The following PLS3 variants were observed in gnomAD, a reference collection of about 807,000 sequenced individuals.
The protein encoded by PLS3 is plastin-3.
A neutral mutation model predicts 46.5 loss-of-function variants in PLS3; 11 were observed. The ratio of observed to expected loss-of-function variants is 0.24; its 90% CI spans 0.15 to 0.39. The LOEUF (loss-of-function observed/expected upper bound fraction) is 0.39. PLS3 is among the 10% of genes least tolerant of loss of function. The pLI is 1.00. For synonymous variants in PLS3, 167 were observed against 162.2 expected (o/e 1.03, Z -0.22); for missense variants, 308 against 461.8 (o/e 0.67, Z 3.05).
chrX:115,604,160 C>A (rs1251465091), intron 1 of PLS3, among the ~76,000 whole-genome samples: 2 of 111,904 alleles, frequency 1.8e-5, no homozygotes, highest in African/African-American at 6.5e-5. Context: ...TCTTAAATTA[C>A]TTTGACTAAA....
At chrX:115,646,275 T>G in intron 12 of PLS3, 89 bp downstream of exon 12, 1 of 893,581 alleles carries the variant, frequency 1.1e-6, no homozygotes, top group Non-Finnish European at 1.6e-6. Flanking sequence ...ACGCTGAGCT[T>G]CTTGAGGACA....
intron 9 of PLS3, among the ~76,000 whole-genome samples, chrX:115,641,677 G>C (rs782516119): frequency 9.0e-6 from 1 of 111,435 alleles, no homozygotes; most frequent in African/African-American, 3.3e-5. Flanking sequence ...GAAGGGAGCT[G>C]TCTGGGTTGG....
chrX:115,646,927 C>A (rs1395389863), intron 13 of PLS3, among the ~76,000 whole-genome samples: 2 of 112,181 alleles, frequency 1.8e-5, no homozygotes, highest in African/African-American at 6.5e-5. Context: ...GACTGGGCAC[C>A]AGCCAAAGCA....
At chrX:115,645,185 T>C (rs1373992847) in intron 11 of PLS3, 86 bp downstream of exon 11, 2 of 599,747 alleles carry the variant, frequency 3.3e-6, no homozygotes, top group African/African-American at 2.2e-5. Context: ...TTTCTAGATA[T>C]TAATTTGTAG....
rs191317026 is a variant in PLS3, at chrX:115,640,720, T to C, written c.987+217T>C. On this transcript the variant is annotated intron_variant, in intron 9 of 15. Coordinates refer to ENST00000355899, the MANE Select transcript of PLS3 (RefSeq NM_005032.7). ...ATCGTTGTTGTGGTATTGATTTATA[T>C]GGATGGCATAAAATATTCAAAACAA... is the stretch of plus-strand genomic sequence containing the variant. 1.8e-3 allele frequency among the ~76,000 whole-genome samples: 204 copies of C among 111,993 alleles called. 1 individual carries two copies. The highest frequency in any genetic ancestry group is 6.1e-3 in the African/African-American group (187 of 30,886).
intron 1 of PLS3, among the ~76,000 whole-genome samples, chrX:115,595,657 A>C (rs1355649363): frequency 2.0e-5 from 2 of 102,113 alleles, no homozygotes; most frequent in Non-Finnish European, 4.0e-5. Flanking sequence ...GTAGACCTTT[A>C]GTTTGGGGCA....
intron 1 of PLS3, among the ~76,000 whole-genome samples, chrX:115,600,865 G>A (rs2074436241): frequency 9.0e-6 from 1 of 111,191 alleles, no homozygotes; most frequent in Non-Finnish European, 1.9e-5. Flanking sequence ...TTGCTTGAAG[G>A]GTGAGTAGAA....
intron 2 of PLS3, chrX:115,611,067 C>T (rs1483938334): frequency 6.0e-5 from 22 of 369,650 alleles, no homozygotes; most frequent in Middle Eastern, 1.1e-3. Context: ...TATTTGGTAT[C>T]TCCTTGACTG....
chrX:115,642,664 A>C (rs1409931612), intron 9 of PLS3, among the ~76,000 whole-genome samples: 1 of 111,655 alleles, frequency 9.0e-6, no homozygotes, highest in African/African-American at 3.3e-5. Flanking sequence ...GCTGAGAGCC[A>C]GTAGAAAAAA....
At chrX:115,566,624 G>T (rs1473893152) in intron 1 of PLS3, among the ~76,000 whole-genome samples, 1 of 109,956 alleles carries the variant, frequency 9.1e-6, no homozygotes. Context: ...TGATCCGCCC[G>T]CCTCGGCCTC....
intron 1 of PLS3, among the ~76,000 whole-genome samples, chrX:115,582,764 G>A (rs1408600381): frequency 8.9e-6 from 1 of 112,686 alleles, no homozygotes; most frequent in Non-Finnish European, 1.9e-5. Flanking sequence ...AATAGGCCAA[G>A]CGTGGTAGCT....
intron 1 of PLS3, among the ~76,000 whole-genome samples, chrX:115,586,758 ATGAACC>A (rs1238258414): frequency 9.0e-6 from 1 of 111,590 alleles, no homozygotes; most frequent in Non-Finnish European, 1.9e-5. Flanking sequence ...CCTTTTAGAC[ATGAACC>A]TGATTCAGCA....
intron 13 of PLS3, among the ~76,000 whole-genome samples, chrX:115,646,907 C>T (rs1392130964): frequency 8.9e-6 from 1 of 112,260 alleles, no homozygotes; most frequent in Admixed American, 9.5e-5. Context: ...TGCTGAAAAG[C>T]ATTCATTATG....
intron 1 of PLS3, among the ~76,000 whole-genome samples, chrX:115,596,444 G>A (rs781924445): frequency 1.5e-3 from 165 of 111,874 alleles, no homozygotes; most frequent in African/African-American, 5.0e-3. Context: ...GATAGAGAAA[G>A]AAATAGATGT....
chrX:115,617,965 T>G (rs1181300143), intron 2 of PLS3, among the ~76,000 whole-genome samples: 4 of 111,371 alleles, frequency 3.6e-5, no homozygotes, highest in African/African-American at 6.5e-5. Context: ...CTCACTCTGG[T>G]GCCCAGGCTA....
chrX:115,595,764 A>AC (rs372426173), intron 1 of PLS3, among the ~76,000 whole-genome samples: 2,249 of 94,429 alleles, frequency 0.024, 65 homozygotes, highest in African/African-American at 0.078. Flanking sequence ...ATCTTGGCTC[A>AC]TGCAACCTCC....
chrX:115,594,387 G>A (rs1204909767), intron 1 of PLS3, among the ~76,000 whole-genome samples: 1 of 111,304 alleles, frequency 9.0e-6, no homozygotes, highest in Non-Finnish European at 1.9e-5. Context: ...CTTAATATGC[G>A]CATATGAAGT....
At chrX:115,592,053 C>T (rs1323146164) in intron 1 of PLS3, among the ~76,000 whole-genome samples, 1 of 112,026 alleles carries the variant, frequency 8.9e-6, no homozygotes, top group Non-Finnish European at 1.9e-5. Flanking sequence ...AGAACACTGC[C>T]TCATAATGGG....
At chrX:115,609,117 TA>T (rs1462171317) in intron 1 of PLS3, among the ~76,000 whole-genome samples, 5 of 109,790 alleles carry the variant, frequency 4.6e-5, no homozygotes, top group Non-Finnish European at 9.5e-5. Context: ...ACCAAAAAAA[TA>T]AATCAGAAGA....
Sources: gnomAD v4.1 joint callset for allele counts (sites outside exome capture counted in the v4.1 genomes callset) on GRCh38, gnomAD v4.1.1 for gene constraint, MANE v1.5 for transcripts, NCBI Gene and HGNC (gene_info 2026-07-23, HGNC 2026-07-21) for gene names.